NRG3: variants seen among roughly 807,000 people sequenced by gnomAD.
The protein encoded by NRG3 is pro-neuregulin-3, membrane-bound isoform.
NRG3 carries 31 observed loss-of-function variants against 66.9 expected under a neutral mutation model. The ratio of observed to expected loss-of-function variants is 0.46; its 90% confidence interval spans 0.35 to 0.63. The LOEUF (loss-of-function observed/expected upper bound fraction) is 0.63, where lower values mean the gene tolerates loss of function less well. Ranked by LOEUF, NRG3 falls within the 20% of genes least tolerant of loss-of-function variation. The pLI, the probability that NRG3 is intolerant of heterozygous loss-of-function variation, is 0.00. For synonymous variants in NRG3, 393 were observed against 359.4 expected (o/e 1.09, Z -1.06); for missense variants, 910 against 878.9 (o/e 1.04, Z -0.45).
intron 2 of NRG3, among the ~76,000 whole-genome samples, chr10:82,710,230 A>G (rs941299021): frequency 3.9e-5 from 6 of 152,170 alleles, no homozygotes; most frequent in Admixed American, 1.3e-4. Context: ...TCATTGTTTT[A>G]TATTATTCTT....
At chr10:82,071,864 G>A (rs1372639831) in intron 1 of NRG3, among the ~76,000 whole-genome samples, 1 of 152,100 alleles carries the variant, frequency 6.6e-6, no homozygotes, top group Non-Finnish European at 1.5e-5. Flanking sequence ...TAGTAGGGAA[G>A]GGTTTGGTTG....
intron 1 of NRG3, among the ~76,000 whole-genome samples, chr10:82,339,373 T>C (rs1348977836): frequency 1.3e-5 from 2 of 152,090 alleles, no homozygotes; most frequent in African/African-American, 2.4e-5. Context: ...CTCAGGAAAC[T>C]TACAATCACG....
chr10:82,907,273 A>G (rs908669185), intron 4 of NRG3, among the ~76,000 whole-genome samples: 1 of 152,152 alleles, frequency 6.6e-6, no homozygotes, highest in Non-Finnish European at 1.5e-5. Context: ...GCCTATATTT[A>G]TTTGACATTA....
chr10:82,644,739 T>C (rs1402142315), intron 2 of NRG3, among the ~76,000 whole-genome samples: 1 of 152,164 alleles, frequency 6.6e-6, no homozygotes, highest in Non-Finnish European at 1.5e-5. Flanking sequence ...TGCATTGCTT[T>C]TAGTTATTGG....
At chr10:82,367,964 C>T (rs1423678996) in intron 2 of NRG3, among the ~76,000 whole-genome samples, 1 of 152,148 alleles carries the variant, frequency 6.6e-6, no homozygotes, top group African/African-American at 2.4e-5. Flanking sequence ...GATCATACCA[C>T]TGCACTCCAG....
intron 2 of NRG3, among the ~76,000 whole-genome samples, chr10:82,558,643 A>C: frequency 6.6e-6 from 1 of 152,352 alleles, no homozygotes; most frequent in South Asian, 2.1e-4. Context: ...TGCCAGAAAT[A>C]AGATGCATGA....
At chr10:82,708,219 G>C (rs990945559) in intron 2 of NRG3, among the ~76,000 whole-genome samples, 1 of 151,680 alleles carries the variant, frequency 6.6e-6, no homozygotes, top group African/African-American at 2.4e-5. Flanking sequence ...CTCTCCTTCT[G>C]TCCTAAGTGT....
At chr10:81,884,852 T>C (rs1842491662) in intron 1 of NRG3, among the ~76,000 whole-genome samples, 1 of 152,198 alleles carries the variant, frequency 6.6e-6, no homozygotes, top group African/African-American at 2.4e-5. Flanking sequence ...CTATTAATGC[T>C]GTCACCACAG....
chr10:82,226,398 GA>G (rs1338885407), intron 1 of NRG3, among the ~76,000 whole-genome samples: 5 of 152,258 alleles, frequency 3.3e-5, no homozygotes, highest in Admixed American at 2.0e-4. Context: ...TAGAAGTGCA[GA>G]AAGGCATTTT....
At chr10:82,738,104 T>C (rs1591366988) in intron 2 of NRG3, among the ~76,000 whole-genome samples, 1 of 150,224 alleles carries the variant, frequency 6.7e-6, no homozygotes, top group South Asian at 2.1e-4. Context: ...GGACTAACAG[T>C]GAACAAGCTA....
At chr10:82,196,733 CAGTG>C (rs1039443740) in intron 1 of NRG3, among the ~76,000 whole-genome samples, 2 of 152,238 alleles carry the variant, frequency 1.3e-5, no homozygotes, top group Non-Finnish European at 2.9e-5. Context: ...ACATGAGCTA[CAGTG>C]AGTGAGTGAG....
chr10:82,176,055 C>G (rs1408823807), intron 1 of NRG3, among the ~76,000 whole-genome samples: 1 of 152,152 alleles, frequency 6.6e-6, no homozygotes, highest in African/African-American at 2.4e-5. Flanking sequence ...ATTACCCTTG[C>G]ATCCAACTTA....
intron 1 of NRG3, among the ~76,000 whole-genome samples, chr10:82,211,714 A>G (rs1324726409): frequency 6.6e-6 from 1 of 152,234 alleles, no homozygotes; most frequent in Non-Finnish European, 1.5e-5. Flanking sequence ...CAAAATCTAG[A>G]GAGCCATGAG....
intron 2 of NRG3, among the ~76,000 whole-genome samples, chr10:82,553,902 A>G (rs1252213758): frequency 6.6e-6 from 1 of 152,182 alleles, no homozygotes; most frequent in Non-Finnish European, 1.5e-5. Flanking sequence ...ATCTCTAAAA[A>G]AGTGACAGTT....
chr10:82,749,351 A>C (rs947022813), intron 3 of NRG3, among the ~76,000 whole-genome samples: 9 of 152,140 alleles, frequency 5.9e-5, no homozygotes, highest in Admixed American at 3.9e-4. Context: ...AGGTTGGTGT[A>C]AGACAGGTGT....
chr10:82,306,620 C>T (rs1245302393), intron 1 of NRG3, among the ~76,000 whole-genome samples: 2 of 137,598 alleles, frequency 1.5e-5, no homozygotes, highest in South Asian at 2.4e-4. Flanking sequence ...AGGAGAATGG[C>T]GTGAACCCAA....
At chr10:82,825,515 C>CT (rs1379501965) in intron 3 of NRG3, among the ~76,000 whole-genome samples, 8 of 152,178 alleles carry the variant, frequency 5.3e-5, no homozygotes, top group Non-Finnish European at 1.2e-4. Context: ...GGTGGAAACT[C>CT]TAAGCACAGC....
At chr10:82,218,419 A>G (rs2075788172) in intron 1 of NRG3, among the ~76,000 whole-genome samples, 1 of 152,192 alleles carries the variant, frequency 6.6e-6, no homozygotes, top group Admixed American at 6.5e-5. Flanking sequence ...CTTATATACT[A>G]CATTGGCAGG....
chr10:82,098,054 T>TACAC (rs61481796), intron 1 of NRG3, among the ~76,000 whole-genome samples: 5,771 of 146,702 alleles, frequency 0.039, 164 homozygotes, highest in East Asian at 0.13. Flanking sequence ...GCCACATATA[T>TACAC]ACACACACAC....
Sources: allele counts gnomAD v4.1 joint callset (sites outside exome capture counted in the v4.1 genomes callset), GRCh38; gene constraint gnomAD v4.1.1; transcripts MANE v1.5; gene names NCBI Gene and HGNC (gene_info 2026-07-23, HGNC 2026-07-21).